The following MITF variants were observed in gnomAD, a reference collection of about 807,000 sequenced individuals.
MITF encodes the protein melanocyte inducing transcription factor.
MITF carries 17 observed loss-of-function variants against 60.5 expected under a neutral mutation model. That is an observed-to-expected ratio of 0.28 (90% confidence interval 0.19 to 0.42). The LOEUF (loss-of-function observed/expected upper bound fraction) is 0.42, where lower values mean the gene tolerates loss of function less well. Ranked by LOEUF, MITF falls within the 10% of genes least tolerant of loss-of-function variation. The pLI is 1.00. For synonymous variants in MITF, 260 were observed against 248.5 expected, an observed-to-expected ratio of 1.05 and a Z score of -0.43; for missense variants, 622 against 683.5, an observed-to-expected ratio of 0.91 and a Z score of 1.00.
intron 1 of MITF, among the ~76,000 whole-genome samples, chr3:69,855,859 A>AT (rs1159490477): frequency 2.6e-5 from 4 of 151,954 alleles, no homozygotes; most frequent in East Asian, 1.9e-4. Flanking sequence ...GACAGCCTTG[A>AT]TTTTTTTTGT....
intron 2 of MITF, among the ~76,000 whole-genome samples, chr3:69,915,419 G>A (rs915689896): frequency 6.6e-6 from 1 of 151,816 alleles, no homozygotes; most frequent in African/African-American, 2.4e-5. Flanking sequence ...CACAATTCTT[G>A]TTTGTATAAA....
At chr3:69,782,473 C>T (rs1280924622) in intron 1 of MITF, among the ~76,000 whole-genome samples, 2 of 152,142 alleles carry the variant, frequency 1.3e-5, no homozygotes, top group Admixed American at 6.6e-5. Flanking sequence ...GTTATTCTTC[C>T]ATTTAATTGA....
intron 2 of MITF, among the ~76,000 whole-genome samples, chr3:69,932,051 A>G (rs2065736356): frequency 1.3e-5 from 2 of 152,256 alleles, no homozygotes; most frequent in East Asian, 3.8e-4. Flanking sequence ...ACGTATACAT[A>G]TACTATTTCT....
Position 69,953,260 on chromosome 3 carries a change from T to C in MITF, c.955+1374T>C, listed in dbSNP as rs142586835. On this transcript the variant is annotated intron_variant, in intron 7 of 9. Coordinates refer to ENST00000352241, the MANE Select transcript of MITF (RefSeq NM_001354604.2). ...ACCTTAGAAACAAGATAATTAGGCA[T>C]TATCCAAAACTACTTAAGTGAGATG... 7.6e-3 allele frequency among the ~76,000 whole-genome samples: 1,165 copies of C among 152,288 alleles called. 11 individuals are homozygous for C. The highest frequency in any genetic ancestry group is 0.021 in the Admixed American group (328 of 15,282).
At chr3:69,741,179 T>TTG (rs911527526) in intron 1 of MITF, among the ~76,000 whole-genome samples, 1 of 152,176 alleles carries the variant, frequency 6.6e-6, no homozygotes. Flanking sequence ...TGAGCATAGA[T>TTG]TGTGTGTGTT....
At chr3:69,803,228 C>T (rs1022337735) in intron 1 of MITF, among the ~76,000 whole-genome samples, 1 of 152,194 alleles carries the variant, frequency 6.6e-6, no homozygotes, top group African/African-American at 2.4e-5. Context: ...GGAGGCCTCA[C>T]ACTGATATTT....
chr3:69,892,947 C>T (rs1454414765), intron 2 of MITF, among the ~76,000 whole-genome samples: 2 of 152,198 alleles, frequency 1.3e-5, no homozygotes, highest in East Asian at 3.8e-4. Flanking sequence ...ATGTGGCCAT[C>T]CTGCCCTTTC....
intron 2 of MITF, 141 bp from the exon 3 acceptor site, chr3:69,937,681 A>T (rs1468071901): frequency 2.3e-5 from 17 of 746,378 alleles, no homozygotes; most frequent in Non-Finnish European, 4.0e-5. Context: ...ATCCGTTAGC[A>T]CAGTGCCTGG....
chr3:69,869,833 C>T (rs1467870952), intron 1 of MITF, among the ~76,000 whole-genome samples: 1 of 152,118 alleles, frequency 6.6e-6, no homozygotes, highest in Admixed American at 6.5e-5. Flanking sequence ...TCAGGAGGTA[C>T]TATGAGATGG....
At chr3:69,931,834 A>G (rs760917088) in intron 2 of MITF, among the ~76,000 whole-genome samples, 3 of 152,230 alleles carry the variant, frequency 2.0e-5, no homozygotes, top group Non-Finnish European at 4.4e-5. Flanking sequence ...ACTGACCCAC[A>G]GAAGAGGGAG....
intron 1 of MITF, among the ~76,000 whole-genome samples, chr3:69,796,707 C>G (rs1335497742): frequency 6.7e-6 from 1 of 150,098 alleles, no homozygotes; most frequent in African/African-American, 2.5e-5. Context: ...GGGGTTTCAC[C>G]TTGTTAGCCA....
At chr3:69,875,879 G>T (rs368487587) in intron 1 of MITF, among the ~76,000 whole-genome samples, 1 of 152,180 alleles carries the variant, frequency 6.6e-6, no homozygotes, top group Non-Finnish European at 1.5e-5. Flanking sequence ...GAAATATCCC[G>T]CAGGGAGTGT....
intron 1 of MITF, among the ~76,000 whole-genome samples, chr3:69,742,037 G>A (rs951863231): frequency 6.6e-6 from 1 of 152,140 alleles, no homozygotes; most frequent in Non-Finnish European, 1.5e-5. Context: ...TCCAGAATCT[G>A]CCCGCTTCTT....
intron 1 of MITF, among the ~76,000 whole-genome samples, chr3:69,806,454 T>G (rs2063010138): frequency 6.6e-6 from 1 of 152,136 alleles, no homozygotes; most frequent in South Asian, 2.1e-4. Flanking sequence ...GAGAAAGGTT[T>G]TTTTTAACTT....
chr3:69,762,944 C>G (rs1044252566), intron 1 of MITF, among the ~76,000 whole-genome samples: 1 of 152,194 alleles, frequency 6.6e-6, no homozygotes, highest in Non-Finnish European at 1.5e-5. Flanking sequence ...TGTGCTAACT[C>G]TGCTCTTTAC....
intron 1 of MITF, among the ~76,000 whole-genome samples, chr3:69,748,262 G>A (rs2014520): frequency 0.32 from 49,156 of 151,982 alleles, 9,060 homozygotes; most frequent in Non-Finnish European, 0.41. Flanking sequence ...TTCTTTTGAG[G>A]TGGAGACTCA....
At chr3:69,837,272 T>G (rs1464727981) in intron 1 of MITF, among the ~76,000 whole-genome samples, 1 of 152,222 alleles carries the variant, frequency 6.6e-6, no homozygotes, top group Non-Finnish European at 1.5e-5. Context: ...TCTTAAAAGG[T>G]GCTGGGCAGC....
At chr3:69,791,361 G>A (rs890302213) in intron 1 of MITF, among the ~76,000 whole-genome samples, 3 of 152,180 alleles carry the variant, frequency 2.0e-5, no homozygotes, top group African/African-American at 7.2e-5. Context: ...CAGCGTGGTG[G>A]TGGTGGTGGT....
intron 1 of MITF, among the ~76,000 whole-genome samples, chr3:69,783,900 G>C (rs2062607153): frequency 6.6e-6 from 1 of 152,162 alleles, no homozygotes. Flanking sequence ...TCCCACTATA[G>C]TTTGAGAACC....
Sources: gnomAD v4.1 joint callset for allele counts (sites outside exome capture counted in the v4.1 genomes callset) on GRCh38, gnomAD v4.1.1 for gene constraint, MANE v1.5 for transcripts, NCBI Gene and HGNC (gene_info 2026-07-23, HGNC 2026-07-21) for gene names.